IL7: variants seen among roughly 807,000 people sequenced by gnomAD.
The protein encoded by IL7 is interleukin 7, also known as interleukin-7.
IL7 carries 3 observed loss-of-function variants against 21.6 expected under a neutral mutation model. The observed-to-expected ratio is 0.14, with a 90% confidence interval of 0.06 to 0.36. The LOEUF (loss-of-function observed/expected upper bound fraction) is 0.36. Among genes scored for constraint, IL7 ranks in the 10% least tolerant of loss-of-function variants. The pLI is 1.00. For missense variants in IL7, 175 were observed against 200.2 expected (o/e 0.87, Z 0.76); for synonymous variants, 62 against 68.1 (o/e 0.91, Z 0.44).
At chr8:78,761,250 G>A in intron 2 of IL7, 1 of 1,604,098 alleles carries the variant, frequency 6.2e-7, no homozygotes, top group East Asian at 2.2e-5. Context: ...TGTGGTGATC[G>A]ATGGAAAAAA....
intron 4 of IL7, among the ~76,000 whole-genome samples, chr8:78,681,741 G>T (rs114272702): frequency 0.037 from 5,618 of 151,990 alleles, 317 homozygotes; most frequent in African/African-American, 0.13. Flanking sequence ...ATTTGTTCTG[G>T]TATCTGTTTT....
downstream of IL7, among the ~76,000 whole-genome samples, chr8:78,729,027 T>C (rs1811378950): frequency 6.6e-6 from 1 of 152,040 alleles, no homozygotes; most frequent in Non-Finnish European, 1.5e-5. Flanking sequence ...CTGTAGCAGA[T>C]GTATTCTGCT....
intron 3 of IL7, among the ~76,000 whole-genome samples, chr8:78,690,559 C>CAA (rs36016408): frequency 1.8e-4 from 17 of 92,482 alleles, no homozygotes; most frequent in Non-Finnish European, 2.1e-4. Context: ...GAGACTGTCT[C>CAA]AAAAAAAAAA....
intron 3 of IL7, among the ~76,000 whole-genome samples, chr8:78,722,319 G>A (rs1811255977): frequency 6.6e-6 from 1 of 151,810 alleles, no homozygotes; most frequent in Non-Finnish European, 1.5e-5. Context: ...GCTGAAAGTG[G>A]CCTGTCAACT....
chr8:78,717,296 T>C, downstream of IL7: 1 of 1,594,184 alleles, frequency 6.3e-7, no homozygotes, highest in Non-Finnish European at 8.5e-7. Context: ...TGATACAAAC[T>C]TTATCTTTTC....
chr8:78,701,042 GT>G (rs1810586535), intron 3 of IL7, among the ~76,000 whole-genome samples: 1 of 152,156 alleles, frequency 6.6e-6, no homozygotes, highest in Non-Finnish European at 1.5e-5. Context: ...GTCACTGATA[GT>G]TTAATGGGAA....
chr8:78,800,644 T>A lies in IL7; in HGVS notation c.11-2436A>T, dbSNP rs530722359. Among the ~76,000 whole-genome samples, 20 of 152,322 alleles carry A rather than the reference T, an allele frequency of 1.3e-4. 1 individual carries two copies. In the South Asian group the frequency reaches 3.7e-3, roughly 28 times the overall value. On this transcript the variant is annotated intron_variant, in intron 1 of 5. Transcript: ENST00000263851. ...AAACCTCTGCTGATGGACATTTGGA[T>A]GATCAATTGCTAATTATTCACCAGA... is the stretch of plus-strand genomic sequence containing the variant.
At chr8:78,788,285 A>C (rs1813578712) in intron 2 of IL7, among the ~76,000 whole-genome samples, 1 of 151,994 alleles carries the variant, frequency 6.6e-6, no homozygotes, top group Non-Finnish European at 1.5e-5. Context: ...TCTTCTGATT[A>C]ATTTAGTTTT....
At chr8:78,779,406 GTTCC>G (rs1813241818) in intron 2 of IL7, among the ~76,000 whole-genome samples, 1 of 152,116 alleles carries the variant, frequency 6.6e-6, no homozygotes, top group African/African-American at 2.4e-5. Flanking sequence ...TTTGAGGTAT[GTTCC>G]ATCAATATCT....
At chr8:78,675,939 G>GAAGAATT in exon 5 of IL7, 1 of 1,309,762 alleles carries the variant, frequency 7.6e-7, no homozygotes, top group Non-Finnish European at 1.1e-6. Flanking sequence ...ATTCTCATGG[G>GAAGAATT]AAGAATTTAC....
chr8:78,690,140 G>T (rs758524638), intron 3 of IL7, among the ~76,000 whole-genome samples: 1 of 152,154 alleles, frequency 6.6e-6, no homozygotes, highest in African/African-American at 2.4e-5. Flanking sequence ...AGGACATGCT[G>T]TTCTGTTCCA....
At chr8:78,784,372 C>A (rs1353245722) in intron 2 of IL7, among the ~76,000 whole-genome samples, 4 of 152,140 alleles carry the variant, frequency 2.6e-5, no homozygotes, top group Non-Finnish European at 1.5e-5. Context: ...GAATAAATTT[C>A]TCTTGTTTAT....
chr8:78,748,086 C>G (rs181074121), intron 2 of IL7, among the ~76,000 whole-genome samples: 1 of 152,224 alleles, frequency 6.6e-6, no homozygotes, highest in Admixed American at 6.5e-5. Context: ...GAGGAAGAGA[C>G]AGAACTGGTT....
At chr8:78,717,503 C>CAAAA (rs5892663), downstream of IL7, 28 of 1,257,728 alleles carry the variant, frequency 2.2e-5, no homozygotes, top group South Asian at 8.2e-5. Flanking sequence ...AATAGAATCT[C>CAAAA]AAAAAAAAAA....
intron 2 of IL7, among the ~76,000 whole-genome samples, chr8:78,787,340 G>A (rs945128038): frequency 6.6e-6 from 1 of 152,124 alleles, no homozygotes; most frequent in Non-Finnish European, 1.5e-5. Flanking sequence ...GATAGATAGT[G>A]TCATAATTGA....
chr8:78,797,372 A>C (rs1252800066), intron 2 of IL7, among the ~76,000 whole-genome samples: 1 of 152,024 alleles, frequency 6.6e-6, no homozygotes, highest in Non-Finnish European at 1.5e-5. Flanking sequence ...TAAAACATAA[A>C]GAATGAATCC....
intron 2 of IL7, chr8:78,761,534 G>A: frequency 6.2e-7 from 1 of 1,611,888 alleles, no homozygotes; most frequent in Non-Finnish European, 8.5e-7. Context: ...AGCTTCATAA[G>A]GCAGGAAGCC....
chr8:78,731,421 A>T (rs918812742), downstream of IL7, among the ~76,000 whole-genome samples: 3 of 151,796 alleles, frequency 2.0e-5, no homozygotes, highest in African/African-American at 7.3e-5. Flanking sequence ...TTACTATTAA[A>T]TTTTTTTCAC....
chr8:78,779,651 G>A (rs536991965), intron 2 of IL7, among the ~76,000 whole-genome samples: 20 of 152,260 alleles, frequency 1.3e-4, no homozygotes, highest in Admixed American at 6.5e-4. Context: ...GTATTTTACC[G>A]AAGATTTTTG....
Sources: gnomAD v4.1 joint callset for allele counts (sites outside exome capture counted in the v4.1 genomes callset) on GRCh38, gnomAD v4.1.1 for gene constraint, MANE v1.5 for transcripts, NCBI Gene and HGNC (gene_info 2026-07-23, HGNC 2026-07-21) for gene names.